The following LGI3 variants were observed in gnomAD, a reference collection of about 807,000 sequenced individuals.
LGI3 encodes the protein leucine-rich repeat LGI family member 3.
In LGI3, 47 loss-of-function variants were observed where a neutral mutation model predicts 55.4. That is an observed-to-expected ratio of 0.85 (90% CI 0.67 to 1.08). The LOEUF (loss-of-function observed/expected upper bound fraction) is 1.08, where lower values mean the gene tolerates loss of function less well. Ranked by LOEUF, LGI3 falls within the 50% of genes least tolerant of loss-of-function variation. The probability of loss-of-function intolerance (pLI) is 0.00; values close to 1 mark genes in which losing one functional copy is unlikely to be tolerated. For synonymous variants in LGI3, 326 were observed against 315.0 expected (o/e 1.04, Z -0.37); for missense variants, 664 against 726.3 (o/e 0.91, Z 0.99).
chr8:22,149,602 C>G (rs941454067), intron 7 of LGI3, among the ~76,000 whole-genome samples: 1 of 152,212 alleles, frequency 6.6e-6, no homozygotes, highest in Non-Finnish European at 1.5e-5. Flanking sequence ...TACAAGAATG[C>G]ATGCCCATGT....
At position 22,156,726 on chromosome 8, in the gene LGI3, C is replaced by T. The variant is rs1261861726; in HGVS notation, c.-184G>A. 1 of 214,544 alleles carries T rather than the reference C, an allele frequency of 4.7e-6. No homozygotes were observed. The highest frequency in any genetic ancestry group is 9.0e-6 in the Non-Finnish European group (1 of 110,592). 13.3% of individuals were successfully genotyped at this position (214,544 alleles called of 1,614,324 possible). ...TGCGGTCCCCTCCCCTGCTCGCTCC[C>T]GCGATCCGGCTCGGGAGAGAAGAGC... On this transcript the variant is annotated 5_prime_UTR_variant, in exon 1 of 8. Coordinates refer to ENST00000306317, the MANE Select transcript of LGI3 (RefSeq NM_139278.4).
At chr8:22,154,279 T>TA (rs1827457415) in intron 3 of LGI3, 66 bp from the exon 4 acceptor site, 1 of 1,308,914 alleles carries the variant, frequency 7.6e-7, no homozygotes, top group Non-Finnish European at 1.1e-6. Flanking sequence ...GCACTCGCCC[T>TA]ACGCCCCAGC....
rs1017716997 is a variant in LGI3, at chr8:22,151,381, A to T, written c.829+108T>A. ...TGGAAAGTTCTTGTGGGCAGAGGGT[A>T]TGTCTCATCTATCCCTCTACCTACA... On this transcript the variant is annotated intron_variant, in intron 7 of 7. Transcript: ENST00000306317. 6 of 1,012,690 alleles carry T rather than the reference A, an allele frequency of 5.9e-6. No individual in the cohort carries two copies. The Admixed American group carries it at 6.0e-5, about 10-fold the overall frequency. The allele number at this position is 1,012,690 out of a possible 1,614,324, so 62.7% of individuals were successfully genotyped here. A position where few individuals can be genotyped will look rare whatever the true frequency, so the allele number is the denominator to read the frequency against.
At position 22,153,402 on chromosome 8, in the gene LGI3, G is replaced by A. The variant is rs931671328; in HGVS notation, c.494+566C>T. ...ACCCAGCCTTTTTTTGGCTGAGCAC[G>A]GTGGCTCAGCACATTTTTGGCTGAG... On this transcript the variant is annotated intron_variant, in intron 5 of 7. Transcript: ENST00000306317. Among the ~76,000 whole-genome samples, 6 of 148,772 alleles carry A rather than the reference G, an allele frequency of 4.0e-5. No individual in the cohort carries two copies. The South Asian group carries it at 8.9e-4, about 22-fold the overall frequency.
chr8:22,154,433 G>T lies in LGI3; in HGVS notation c.350+127C>A, dbSNP rs1421018818. On this transcript the variant is annotated intron_variant, in intron 3 of 7. Coordinates refer to ENST00000306317, the MANE Select transcript of LGI3 (RefSeq NM_139278.4). Reference sequence around the variant, plus strand: ...GGTCCTGCCATCACGGGATGCAAGGGCTCTCGCCTCCCATCACCTTCCCTT... The same window carrying T: ...GGTCCTGCCATCACGGGATGCAAGGTCTCTCGCCTCCCATCACCTTCCCTT... The T allele has an allele frequency of 4.5e-6, 4 of 888,008 alleles. No homozygotes were observed. The African/African-American group carries it at 6.6e-5, about 15-fold the overall frequency. 55.0% of individuals were successfully genotyped at this position (888,008 alleles called of 1,614,324 possible).
In LGI3 at chr8:22,151,883, C is replaced by T; in HGVS notation, c.612G>A (p.Gln204=). The change falls in exon 6 of 8, where the codon CAG becomes CAA. Residue 204 remains glutamine (Q), a synonymous_variant. Coordinates refer to ENST00000306317, the MANE Select transcript of LGI3 (RefSeq NM_139278.4). ...GCGGCAGGTCCTGCACCTTGTGCTC[C>T]TGGAAGCGGGGCGGGCTGGCGCAGT... ...PIYCASPPRF[Q]EHKVQDLPLR... The T allele has an allele frequency of 6.2e-7, 1 of 1,613,466 alleles. No individual in the cohort carries two copies. Among genetic ancestry groups the T allele is most frequent in the South Asian group, 1.1e-5 (1 of 91,030 alleles).
intron 2 of LGI3, chr8:22,154,957 A>G (rs1827467999): frequency 2.3e-6 from 1 of 430,644 alleles, no homozygotes; most frequent in East Asian, 4.3e-5. Flanking sequence ...CTCATGGACA[A>G]CTGTCCCTCA....
Position 22,154,151 on chromosome 8 carries a change from A to C in LGI3, c.413T>G (p.Leu138Trp). 1 of 1,613,848 alleles carries C rather than the reference A, an allele frequency of 6.2e-7. No individual in the cohort carries two copies. Among genetic ancestry groups the C allele is most frequent in the Non-Finnish European group, 8.5e-7 (1 of 1,179,744 alleles). ...SKFTFRGLKS[L>W]THLSLANNNL... is the part of the protein sequence containing the mutation. ...TGTGTGACGTACTCACAGGTGAGTC[A>C]AGGACTTGAGTCCTCGGAAGGTGAA... is the stretch of plus-strand genomic sequence containing the variant. The change falls in exon 4 of 8, where the codon TTG becomes TGG. Residue 138 changes from leucine to tryptophan, a missense_variant. Transcript: ENST00000306317.
Position 22,154,024 on chromosome 8 carries a change from A to G in LGI3, c.438T>C (p.Asn146=), listed in dbSNP as rs1368938658. The G allele has an allele frequency of 6.2e-7, 1 of 1,614,056 alleles. No homozygotes were observed. The highest frequency in any genetic ancestry group is 8.5e-7 in the Non-Finnish European group (1 of 1,180,034). ...TGTCTCTGGGCAGTGTCTGCAGGTT[A>G]TTGTTGGCCAGCGAGCTGCAAAAGA... ...KSLTHLSLAN[N]NLQTLPRDIF... is the part of the protein sequence containing the mutation. The change falls in exon 5 of 8, where the codon AAT becomes AAC. Residue 146 remains asparagine, a synonymous_variant. Transcript: ENST00000306317.
chr8:22,156,263 C>T (rs1827497212), intron 1 of LGI3, 74 bp downstream of exon 1: 9 of 1,503,650 alleles, frequency 6.0e-6, no homozygotes, highest in Non-Finnish European at 8.2e-6. Context: ...AGCGGGGGTT[C>T]TCCTGTCCTC....
chr8:22,148,194 A>G lies in LGI3; in HGVS notation c.1613T>C (p.Val538Ala). Residue 538 changes from valine to alanine, a missense_variant, in exon 8 of 8, where the codon GTG (valine) becomes GCG (alanine). Transcript: ENST00000306317. This position sits in a 1 kb window ranked among gnomAD's most constrained non-coding sequence, Gnocchi z 7.0. ...LAPSFKGQTL[V>A]YRHIVVDLSA ...GAGATCCACCACAATGTGTCTATAC[A>G]CCAGCGTCTGTCCCTTGAAGCTGGG... 4 of 1,612,142 alleles carry G rather than the reference A, an allele frequency of 2.5e-6. No individual in the cohort carries two copies. Among genetic ancestry groups the G allele is most frequent in the Non-Finnish European group, 3.4e-6 (4 of 1,179,142 alleles).
Position 22,147,677 on chromosome 8 carries a change from G to A in LGI3, c.*483C>T, listed in dbSNP as rs73225817. On this transcript the variant is annotated 3_prime_UTR_variant, in exon 8 of 8. Coordinates refer to ENST00000306317, the MANE Select transcript of LGI3 (RefSeq NM_139278.4). ...TCCGCGTCCATGTGAGCATGCAGAC[G>A]GGGTGGGGCAGGGGTGAGTGGCCCC... The A allele has an allele frequency of 0.12, 19,454 of 165,652 alleles. 1,410 individuals carry two copies. Among genetic ancestry groups the A allele is most frequent in the Middle Eastern group, 0.18 (59 of 322 alleles). 10.3% of individuals were successfully genotyped at this position (165,652 alleles called of 1,614,324 possible).
chr8:22,155,436 C>T lies in LGI3; in HGVS notation c.234G>A (p.Glu78=). Residue 78 remains glutamate (E), a synonymous_variant, in exon 2 of 8, where the codon GAG becomes GAA. Coordinates refer to ENST00000306317, the MANE Select transcript of LGI3 (RefSeq NM_139278.4). ...GGTGGGAGAACGCTCCATCCTGGAT[C>T]TCTGAGAAGGCGGCATTCACCAGGG... ...SLTLVNAAFS[E]IQDGAFSHLP... is the part of the protein sequence containing the mutation. 6.2e-7 allele frequency: 1 copy of T among 1,613,930 alleles called. No homozygotes were observed. Among genetic ancestry groups the T allele is most frequent in the Non-Finnish European group, 8.5e-7 (1 of 1,180,000 alleles).
rs1827379063 is a variant in LGI3, at chr8:22,151,595, G to A, written c.723C>T (p.Tyr241=). The stretch of plus-strand genomic sequence containing the variant: ...CCAGAGCCAAATAGAGGTCACTGGA[G>A]TAGAGGAAGGGCTCAGCCGACACTG... The part of the protein sequence containing the change: ...FPAVSAEPFL[Y]SSDLYLALAQ... Residue 241 remains tyrosine, a synonymous_variant, in exon 7 of 8, where the codon TAC becomes TAT. Coordinates refer to ENST00000306317, the MANE Select transcript of LGI3 (RefSeq NM_139278.4). 2 of 1,614,120 alleles carry A rather than the reference G, an allele frequency of 1.2e-6. No individual in the cohort carries two copies. The highest frequency in any genetic ancestry group is 2.2e-5 in the East Asian group (1 of 44,886).
At chr8:22,149,422 G>T (rs1827349787) in intron 7 of LGI3, among the ~76,000 whole-genome samples, 1 of 151,514 alleles carries the variant, frequency 6.6e-6, no homozygotes, top group African/African-American at 2.5e-5. Flanking sequence ...CAAGTGACTT[G>T]CCCAAAGCTA....
rs185066272 is a variant in LGI3 at position 22,149,850 on chromosome 8, C to A, written c.830-873G>T. 9.5e-4 allele frequency among the ~76,000 whole-genome samples: 145 copies of A among 152,244 alleles called. 1 individual carries two copies. The East Asian group carries it at 0.023, about 24-fold the overall frequency. On this transcript the variant is annotated intron_variant, in intron 7 of 7. Coordinates refer to ENST00000306317, the MANE Select transcript of LGI3 (RefSeq NM_139278.4). ...AATACCTTCTTTGGGGTTTGGTCTG[C>A]CCTGCCCAGATGCTAATGACCCCCA...
At chr8:22,153,840 G>T in intron 5 of LGI3, 128 bp downstream of exon 5, 2 of 906,992 alleles carry the variant, frequency 2.2e-6, no homozygotes, top group Non-Finnish European at 1.8e-6. Flanking sequence ...ACCTCCTCAG[G>T]GTCCCCCCAC....
intron 7 of LGI3, among the ~76,000 whole-genome samples, chr8:22,149,224 A>G (rs1304236873): frequency 6.6e-6 from 1 of 152,232 alleles, no homozygotes; most frequent in Non-Finnish European, 1.5e-5. Flanking sequence ...AAGCTGACAT[A>G]GCACAAAATA....
rs1488095472 is a variant in LGI3 at position 22,148,193 on chromosome 8, C to T, written c.1614G>A (p.Val538=). 7 of 1,611,640 alleles carry T rather than the reference C, an allele frequency of 4.3e-6. No individual in the cohort carries two copies. Among genetic ancestry groups the T allele is most frequent in the Non-Finnish European group, 5.9e-6 (7 of 1,178,934 alleles). The part of the protein sequence containing the change: ...LAPSFKGQTL[V]YRHIVVDLSA ...TGAGATCCACCACAATGTGTCTATA[C>T]ACCAGCGTCTGTCCCTTGAAGCTGG... The change falls in exon 8 of 8, where the codon GTG becomes GTA. Residue 538 remains valine (V), a synonymous_variant. Transcript: ENST00000306317. The surrounding 1 kb of genome is among the most constrained non-coding windows in gnomAD (Gnocchi z 7.0).
Sources: gnomAD v4.1 joint callset for allele counts (sites outside exome capture counted in the v4.1 genomes callset) on GRCh38, gnomAD v4.1.1 for gene constraint, Gnocchi (gnomAD v3.1) non-coding constraint, MANE v1.5 for transcripts, NCBI Gene and HGNC (gene_info 2026-07-23, HGNC 2026-07-21) for gene names.